ZNF717: variants seen among roughly 807,000 people sequenced by gnomAD.
ZNF717 encodes krueppel-like factor X17.
Under a neutral mutation model 13.8 loss-of-function variants are expected in ZNF717, and 9 were observed. The observed-to-expected ratio is 0.65, with a 90% confidence interval of 0.39 to 1.14. The LOEUF is 1.14. Among genes scored for constraint, ZNF717 ranks in the 50% most tolerant of loss-of-function variants. ZNF717 has a pLI of 0.01. For missense variants in ZNF717, 1,040 were observed against 1,080.7 expected (o/e 0.96, Z 0.53); for synonymous variants, 327 against 364.1 (o/e 0.90, Z 1.16).
chr3:75,753,193 C>T (rs866075895), intron 2 of ZNF717, among the ~76,000 whole-genome samples: 2,088 of 151,608 alleles, frequency 0.014, 62 homozygotes, highest in African/African-American at 0.047. Flanking sequence ...CAGAACACTG[C>T]TGCGAGTGTC....
At chr3:75,709,741 C>A (rs1483260643) in exon 6 of ZNF717, 6 of 152,158 alleles carry the variant, frequency 3.9e-5, no homozygotes, top group Admixed American at 2.0e-4. Context: ...TCATGGCCTT[C>A]CCCAGCTCGA....
chr3:75,734,525 C>T (rs113824776), downstream of ZNF717, among the ~76,000 whole-genome samples: 1 of 150,754 alleles, frequency 6.6e-6, no homozygotes, highest in Non-Finnish European at 1.5e-5. Flanking sequence ...CTCTGCCTTC[C>T]AGGTTCATGC....
chr3:75,752,383 G>T, intron 2 of ZNF717, among the ~76,000 whole-genome samples: 1 of 151,650 alleles, frequency 6.6e-6, no homozygotes, highest in African/African-American at 2.4e-5. Context: ...TAGGATTCCA[G>T]AACACTGCTT....
chr3:75,714,483 C>T (rs981706299), intron 5 of ZNF717, among the ~76,000 whole-genome samples: 3 of 151,682 alleles, frequency 2.0e-5, no homozygotes, highest in Non-Finnish European at 1.5e-5. Flanking sequence ...AGAGTAATTG[C>T]TACAAACTAA....
At chr3:75,757,836 C>T (rs924678914) in intron 2 of ZNF717, among the ~76,000 whole-genome samples, 30 of 151,674 alleles carry the variant, frequency 2.0e-4, no homozygotes, top group African/African-American at 7.3e-4. Flanking sequence ...AAGTTGGGGC[C>T]GGGCATGGTG....
chr3:75,725,168 C>T (rs1468518664), downstream of ZNF717, among the ~76,000 whole-genome samples: 1 of 152,218 alleles, frequency 6.6e-6, no homozygotes, highest in Non-Finnish European at 1.5e-5. Flanking sequence ...CACTCTCTCT[C>T]ATCTGAAATA....
chr3:75,749,250 A>T (rs1941459399), intron 2 of ZNF717, among the ~76,000 whole-genome samples: 1 of 151,954 alleles, frequency 6.6e-6, no homozygotes, highest in Non-Finnish European at 1.5e-5. Context: ...CTGTGGTCCG[A>T]ATGTTTTTCC....
At chr3:75,732,131 G>T (rs1938616053), downstream of ZNF717, 1 of 702,842 alleles carries the variant, frequency 1.4e-6, no homozygotes, top group African/African-American at 1.7e-5. Flanking sequence ...CCTTTGGGAA[G>T]GAAAAAGGAA....
Position 75,762,226 on chromosome 3 carries a change from GTCACAAGT to G in ZNF717, c.58-20498_58-20491del, listed in dbSNP as rs1164090951. 2.0e-5 allele frequency among the ~76,000 whole-genome samples: 3 copies of G among 152,176 alleles called. No homozygotes were observed. In the East Asian group the frequency reaches 5.8e-4, roughly 29 times the overall value. On this transcript the variant is annotated intron_variant, in intron 2 of 4. Coordinates refer to ENST00000652011, the MANE Select transcript of ZNF717 (RefSeq NM_001290208.3). ...GGCCGAGGCAGGCAAATCACCTGAG[GTCACAAGT>G]TCAAGACTAGTCTGGTCAACATGGA...
chr3:75,728,283 T>C (rs76717958), downstream of ZNF717, among the ~76,000 whole-genome samples: 10 of 152,316 alleles, frequency 6.6e-5, no homozygotes, highest in South Asian at 6.2e-4. Context: ...TCAAGAAAAA[T>C]GACCAAGACA....
chr3:75,695,899 A>T (rs1278285320), intron 6 of ZNF717, among the ~76,000 whole-genome samples: 2 of 152,162 alleles, frequency 1.3e-5, no homozygotes, highest in Admixed American at 1.3e-4. Flanking sequence ...AAATAACCTA[A>T]CAATACATCT....
intron 6 of ZNF717, among the ~76,000 whole-genome samples, chr3:75,703,287 T>C (rs1218758583): frequency 1.3e-5 from 2 of 152,296 alleles, no homozygotes; most frequent in South Asian, 2.1e-4. Context: ...TCCCAGCAAT[T>C]TGGGAGGCCA....
At chr3:75,717,682 C>T (rs73114941) in intron 4 of ZNF717, among the ~76,000 whole-genome samples, 2 of 151,856 alleles carry the variant, frequency 1.3e-5, no homozygotes, top group African/African-American at 2.4e-5. Flanking sequence ...AAGGTGGAGG[C>T]CCACAAAAAG....
intron 2 of ZNF717, among the ~76,000 whole-genome samples, chr3:75,752,350 G>A (rs78697885): frequency 7.2e-6 from 1 of 139,310 alleles, no homozygotes; most frequent in Admixed American, 7.0e-5. Context: ...CTGCTGTTGG[G>A]GTCTGAATGT....
At chr3:75,722,300 C>A (rs144732252) in intron 4 of ZNF717, among the ~76,000 whole-genome samples, 1 of 152,062 alleles carries the variant, frequency 6.6e-6, no homozygotes, top group Admixed American at 6.6e-5. Flanking sequence ...AAATTCAGTT[C>A]ATGCTAACAA....
At chr3:75,722,785 CAG>C (rs1295421129) in intron 4 of ZNF717, among the ~76,000 whole-genome samples, 2 of 103,942 alleles carry the variant, frequency 1.9e-5, no homozygotes, top group African/African-American at 4.0e-5. Flanking sequence ...AGCCTGGTGA[CAG>C]AGTGAAACTC....
At chr3:75,704,895 A>T (rs1189106929), downstream of ZNF717, among the ~76,000 whole-genome samples, 69 of 150,802 alleles carry the variant, frequency 4.6e-4, no homozygotes, top group African/African-American at 1.7e-3. Flanking sequence ...GTATTTTTGT[A>T]CCTTAATTAT....
chr3:75,741,232 G>A, intron 4 of ZNF717, 44 bp downstream of exon 4: 1 of 1,216,800 alleles, frequency 8.2e-7, no homozygotes, highest in Non-Finnish European at 1.2e-6. Flanking sequence ...AATTTGCTGG[G>A]CATTACTCCT....
chr3:75,746,438 G>A lies in ZNF717; in HGVS notation c.58-4702C>T, dbSNP rs75068945. Among the ~76,000 whole-genome samples the A allele has an allele frequency of 5.5e-3, 830 of 152,124 alleles. 5 individuals carry two copies. Among genetic ancestry groups the A allele is most frequent in the South Asian group, 0.021 (100 of 4,814 alleles). ...GGTCAAATGGTATTTCTAGTTCTAC[G>A]TCCCTGAGGAATCACCACACTGTCT... On this transcript the variant is annotated intron_variant, in intron 2 of 4. Transcript: ENST00000652011.
Sources: gnomAD v4.1 joint callset for allele counts (sites outside exome capture counted in the v4.1 genomes callset) on GRCh38, gnomAD v4.1.1 for gene constraint, MANE v1.5 for transcripts, NCBI Gene and HGNC (gene_info 2026-07-23, HGNC 2026-07-21) for gene names.